Variants in SLC6A4 observed in about 807,000 individuals in gnomAD.
SLC6A4 encodes solute carrier family 6 member 4.
Under a neutral mutation model 73.4 loss-of-function variants are expected in SLC6A4, and 22 were observed. The observed-to-expected ratio is 0.30, with a 90% CI of 0.21 to 0.43. SLC6A4 has a LOEUF of 0.43. Among genes scored for constraint, SLC6A4 ranks in the 20% least tolerant of loss-of-function variants. SLC6A4 has a pLI of 1.00. For synonymous variants in SLC6A4, 270 were observed against 315.5 expected, an observed-to-expected ratio of 0.86 and a Z score of 1.53; for missense variants, 593 against 808.5, an observed-to-expected ratio of 0.73 and a Z score of 3.23.
At chr17:30,209,820 T>C (rs1001229254) in intron 11 of SLC6A4, among the ~76,000 whole-genome samples, 1 of 152,118 alleles carries the variant, frequency 6.6e-6, no homozygotes, top group Non-Finnish European at 1.5e-5. Flanking sequence ...TTGGGATCTA[T>C]TTTAAACTTT....
At chr17:30,212,206 G>C (rs1906409067) in intron 9 of SLC6A4, among the ~76,000 whole-genome samples, 1 of 152,060 alleles carries the variant, frequency 6.6e-6, no homozygotes, top group African/African-American at 2.4e-5. Context: ...ACTAGACTTT[G>C]AGCCATCACA....
At chr17:30,212,962 C>CA in intron 8 of SLC6A4, 95 bp from the exon 9 acceptor site, 2 of 1,356,002 alleles carry the variant, frequency 1.5e-6, no homozygotes, top group Non-Finnish European at 1.0e-6. Context: ...TTAGACAGGG[C>CA]GGCCACAGCA....
chr17:30,222,955 T>C (rs2143015655), intron 1 of SLC6A4, 40 bp from the exon 2 acceptor site: 1 of 717,460 alleles, frequency 1.4e-6, no homozygotes, highest in Non-Finnish European at 2.2e-6. Flanking sequence ...GCTGGGGTGG[T>C]TGGTGTCGCC....
At chr17:30,229,054 A>T (rs189325248) in intron 1 of SLC6A4, among the ~76,000 whole-genome samples, 29 of 152,294 alleles carry the variant, frequency 1.9e-4, no homozygotes, top group African/African-American at 6.3e-4. Flanking sequence ...TCAGGGTTCT[A>T]TTCTAAGGGG....
chr17:30,218,844 C>T lies in SLC6A4; in HGVS notation c.431G>A (p.Arg144Gln), dbSNP rs147306146. 26 of 1,614,084 alleles carry T rather than the reference C, an allele frequency of 1.6e-5. No homozygotes were observed. The highest frequency in any genetic ancestry group is 1.6e-4 in the Middle Eastern group (1 of 6,062). ...YMELALGQYH[R>Q]NGCISIWRKI... ...CCTCCATATTGAAATGCATCCATTT[C>T]GGTGGTACTGTCCCAGTGCGAGCTC... The change falls in exon 4 of 15, where the codon CGA becomes CAA. Residue 144 changes from arginine to glutamine, a missense_variant. By Grantham distance (43) the Arg-to-Gln change is conservative (BLOSUM62 1). Transcript: ENST00000650711.
intron 14 of SLC6A4, among the ~76,000 whole-genome samples, chr17:30,199,450 C>T (rs546583792): frequency 6.6e-6 from 1 of 152,288 alleles, no homozygotes; most frequent in South Asian, 2.1e-4. Context: ...CTTTGATTTA[C>T]TGATCTTTAG....
chr17:30,216,676 CT>C (rs937080895), intron 6 of SLC6A4, among the ~76,000 whole-genome samples: 162 of 143,210 alleles, frequency 1.1e-3, no homozygotes, highest in South Asian at 4.9e-3. Flanking sequence ...TTTTCTTTTC[CT>C]TTTTTTTTTT....
chr17:30,221,195 T>C (rs1456308822), intron 3 of SLC6A4, among the ~76,000 whole-genome samples: 1 of 151,962 alleles, frequency 6.6e-6, no homozygotes, highest in Non-Finnish European at 1.5e-5. Context: ...CAGGCTGGTC[T>C]TGAACTCCTG....
At chr17:30,209,417 A>C (rs1207881410) in intron 11 of SLC6A4, among the ~76,000 whole-genome samples, 175 bp from the exon 12 acceptor site, 1 of 152,142 alleles carries the variant, frequency 6.6e-6, no homozygotes, top group African/African-American at 2.4e-5. Flanking sequence ...CATGCCTGTC[A>C]TCCCAGCACT....
At position 30,198,530 on chromosome 17, in the gene SLC6A4, G is replaced by A. The variant is rs200015551; in HGVS notation, c.1819C>T (p.Arg607Cys). 1.3e-6 allele frequency: 2 copies of A among 1,556,580 alleles called. No individual in the cohort carries two copies. Among genetic ancestry groups the A allele is most frequent in the African/African-American group, 1.4e-5 (1 of 73,418 alleles). ...TCTGGGGTAATACTTTTAATAATAC[G>A]CTATTGGGAAGAAAATACAATGTTA... Reference protein sequence around the residue: ...LIITPGTFKERIIKSITPETP... With the variant: ...LIITPGTFKECIIKSITPETP... Residue 607 changes from arginine to cysteine, a missense_variant and splice_region_variant, in exon 15 of 15, where the codon CGT becomes TGT. Transcript: ENST00000650711.
chr17:30,209,519 C>T (rs1377162824), intron 11 of SLC6A4, among the ~76,000 whole-genome samples: 3 of 151,900 alleles, frequency 2.0e-5, no homozygotes, highest in African/African-American at 4.8e-5. Flanking sequence ...TGGTGGCACA[C>T]GCCTTTAATC....
rs1479886876 is a variant in SLC6A4, at chr17:30,196,963, C to CCTT, written c.*1490_*1492dup. 6.6e-6 allele frequency: 1 copy of CCTT among 152,216 alleles called. No homozygotes were observed. The highest frequency in any genetic ancestry group is 1.5e-5 in the Non-Finnish European group (1 of 68,022). The allele number at this position is 152,216 out of a possible 1,614,324, so 9.4% of individuals were successfully genotyped here. A position where few individuals can be genotyped will look rare whatever the true frequency, so the allele number is the denominator to read the frequency against. ...CAGGATGTTTCCTCTGCTGTCTGGA[C>CCTT]CTTCTTTTTATAAGGTTGTTAGAAT... is the stretch of plus-strand genomic sequence containing the variant. On this transcript the variant is annotated 3_prime_UTR_variant, in exon 15 of 15. Transcript: ENST00000650711.
At chr17:30,224,478 A>G (rs1291126495) in intron 1 of SLC6A4, among the ~76,000 whole-genome samples, 4 of 152,086 alleles carry the variant, frequency 2.6e-5, no homozygotes, top group Admixed American at 2.0e-4. Flanking sequence ...TTGGCCTCCC[A>G]AAGAGCTGAG....
At chr17:30,214,438 A>AAAAAAG in intron 8 of SLC6A4, among the ~76,000 whole-genome samples, 1 of 150,122 alleles carries the variant, frequency 6.7e-6, no homozygotes, top group East Asian at 1.9e-4. Context: ...AAAAAAAAAA[A>AAAAAAG]AAAGAAAAGA....
At chr17:30,210,077 CAAA>C (rs79332361) in intron 11 of SLC6A4, among the ~76,000 whole-genome samples, 2 of 122,006 alleles carry the variant, frequency 1.6e-5, no homozygotes, top group African/African-American at 2.9e-5. Flanking sequence ...CTTCAGCTAC[CAAA>C]AAAAAAAAAA....
At chr17:30,233,902 C>T (rs1249460911) in intron 1 of SLC6A4, among the ~76,000 whole-genome samples, 2 of 152,144 alleles carry the variant, frequency 1.3e-5, no homozygotes, top group East Asian at 1.9e-4. Flanking sequence ...GGAGCTGCCA[C>T]GTATTGGCTT....
chr17:30,231,365 T>C (rs1044665910), intron 1 of SLC6A4, among the ~76,000 whole-genome samples: 3 of 151,342 alleles, frequency 2.0e-5, no homozygotes, highest in Non-Finnish European at 4.4e-5. Context: ...TACAGATACA[T>C]ATAGTTTATA....
intron 7 of SLC6A4, 70 bp downstream of exon 7, chr17:30,216,003 CTACTGTCCT>C: frequency 7.7e-7 from 1 of 1,301,204 alleles, no homozygotes; most frequent in Admixed American, 1.9e-5. Flanking sequence ...TCAGTTGTCC[CTACTGTCCT>C]ATTTGGAGGA....
rs1906086175 is a variant in SLC6A4, at chr17:30,203,182, G to A, written c.1808C>T (p.Thr603Ile). ...CTAACTAGCACGTACCTCTTTAAAT[G>A]TCCCTGGAGTGATGATCAACCGATA... Reference protein sequence around the residue: ...IAYRLIITPGTFKERIIKSIT... With the variant: ...IAYRLIITPGIFKERIIKSIT... Residue 603 changes from threonine to isoleucine, a missense_variant, in exon 14 of 15, where the codon ACA becomes ATA. Coordinates refer to ENST00000650711, the MANE Select transcript of SLC6A4 (RefSeq NM_001045.6). 6.2e-7 allele frequency: 1 copy of A among 1,613,294 alleles called. No individual in the cohort carries two copies. Among genetic ancestry groups the A allele is most frequent in the Non-Finnish European group, 8.5e-7 (1 of 1,179,354 alleles).
Sources: allele counts gnomAD v4.1 joint callset (sites outside exome capture counted in the v4.1 genomes callset), GRCh38; gene constraint gnomAD v4.1.1; transcripts MANE v1.5; gene names NCBI Gene and HGNC (gene_info 2026-07-23, HGNC 2026-07-21).